The following GRM3 variants were observed in gnomAD, a reference collection of about 807,000 sequenced individuals.
GRM3 encodes metabotropic glutamate receptor 3.
GRM3 carries 26 observed loss-of-function variants against 70.5 expected under a neutral mutation model. The observed-to-expected ratio is 0.37, with a 90% CI of 0.27 to 0.51. The LOEUF (loss-of-function observed/expected upper bound fraction) is 0.51. GRM3 is among the 20% of genes least tolerant of loss of function. The pLI, the probability that GRM3 is intolerant of heterozygous loss-of-function variation, is 0.93. For missense variants in GRM3, 859 were observed against 1,123.8 expected, an observed-to-expected ratio of 0.76 and a Z score of 3.37; for synonymous variants, 443 against 434.9, an observed-to-expected ratio of 1.02 and a Z score of -0.23.
chr7:86,707,934 C>G (rs188530222), intron 1 of GRM3, among the ~76,000 whole-genome samples: 2 of 152,046 alleles, frequency 1.3e-5, no homozygotes, highest in East Asian at 3.9e-4. Flanking sequence ...ATTAAGAACC[C>G]TATGAAAAAG....
chr7:86,657,698 G>A (rs894963039), intron 1 of GRM3, among the ~76,000 whole-genome samples: 2 of 152,164 alleles, frequency 1.3e-5, no homozygotes, highest in African/African-American at 4.8e-5. Flanking sequence ...GGTTTGGGAG[G>A]CAGAGAGATG....
At chr7:86,678,609 A>G (rs552117251) in intron 1 of GRM3, among the ~76,000 whole-genome samples, 2 of 152,184 alleles carry the variant, frequency 1.3e-5, no homozygotes, top group Non-Finnish European at 2.9e-5. Context: ...AGATATAATT[A>G]TGATATTTCA....
At chr7:86,760,758 A>T (rs1796459328) in intron 1 of GRM3, among the ~76,000 whole-genome samples, 1 of 152,132 alleles carries the variant, frequency 6.6e-6, no homozygotes, top group African/African-American at 2.4e-5. Flanking sequence ...ATAAAGAAAA[A>T]GTAAATAAAA....
intron 5 of GRM3, among the ~76,000 whole-genome samples, chr7:86,852,173 G>T (rs1274306983): frequency 2.0e-5 from 3 of 152,138 alleles, no homozygotes; most frequent in Non-Finnish European, 4.4e-5. Flanking sequence ...CAGACAGCAA[G>T]CTGGGAAAGT....
At chr7:86,760,501 C>G (rs1584221112) in intron 1 of GRM3, among the ~76,000 whole-genome samples, 1 of 151,984 alleles carries the variant, frequency 6.6e-6, no homozygotes, top group East Asian at 1.9e-4. Context: ...CAGTAGGGAG[C>G]CTGTTTATCT....
chr7:86,854,745 G>A (rs1798815401), intron 5 of GRM3, among the ~76,000 whole-genome samples: 1 of 152,130 alleles, frequency 6.6e-6, no homozygotes, highest in Non-Finnish European at 1.5e-5. Flanking sequence ...AAAATATTTT[G>A]AGAACCTCTA....
At chr7:86,776,046 A>C (rs1306989010) in intron 2 of GRM3, 2 of 152,136 alleles carry the variant, frequency 1.3e-5, no homozygotes. Context: ...AAAAAAACAA[A>C]ACTAGATTTT....
chr7:86,647,313 G>A (rs1051315739), intron 1 of GRM3, among the ~76,000 whole-genome samples: 1 of 152,174 alleles, frequency 6.6e-6, no homozygotes, highest in Admixed American at 6.5e-5. Context: ...GCAAAATGAA[G>A]CATGAGGTTT....
chr7:86,837,605 C>G (rs909448437), intron 3 of GRM3, among the ~76,000 whole-genome samples: 1 of 152,176 alleles, frequency 6.6e-6, no homozygotes, highest in Non-Finnish European at 1.5e-5. Flanking sequence ...CATATTTATA[C>G]TATCTGCTTC....
At chr7:86,810,140 G>T (rs2116652870) in intron 3 of GRM3, among the ~76,000 whole-genome samples, 1 of 152,142 alleles carries the variant, frequency 6.6e-6, no homozygotes, top group East Asian at 1.9e-4. Flanking sequence ...GGTTTGTGAT[G>T]ACCTTAAATC....
intron 3 of GRM3, among the ~76,000 whole-genome samples, chr7:86,836,927 T>G (rs1336973312): frequency 6.6e-6 from 1 of 152,126 alleles, no homozygotes; most frequent in Non-Finnish European, 1.5e-5. Context: ...ACCCCAAAAC[T>G]ACACACTCAA....
rs192322575 is a variant in GRM3, at chr7:86,787,978, G to A, written c.1324+862G>A. 1.1e-3 allele frequency among the ~76,000 whole-genome samples: 163 copies of A among 152,258 alleles called. 1 individual carries two copies. Among genetic ancestry groups the A allele is most frequent in the Non-Finnish European group, 1.5e-3 (100 of 68,020 alleles). On this transcript the variant is annotated intron_variant, in intron 3 of 5. Coordinates refer to ENST00000361669, the MANE Select transcript of GRM3 (RefSeq NM_000840.3). Reference sequence around the variant, plus strand: ...GTACATGGGATATCTGCTTATTAAGGCACTTGTTCTGGGTAGTATAGCTTA... The same window carrying A: ...GTACATGGGATATCTGCTTATTAAGACACTTGTTCTGGGTAGTATAGCTTA...
At position 86,854,028 on chromosome 7, in the gene GRM3, G is replaced by T. The variant is rs368269905; in HGVS notation, c.2566+3484G>T. On this transcript the variant is annotated intron_variant, in intron 5 of 5. Transcript: ENST00000361669. ...GCCAGGAAACTGGTATAGCATAATTGGTACCATACTTATTTATCGAAGCTC... is the reference window on the plus strand; with the variant it reads ...GCCAGGAAACTGGTATAGCATAATTTGTACCATACTTATTTATCGAAGCTC... Among the ~76,000 whole-genome samples the T allele has an allele frequency of 4.6e-5, 7 of 152,212 alleles. No homozygotes were observed. The East Asian group carries it at 1.4e-3, about 29-fold the overall frequency.
At chr7:86,651,249 C>G (rs1793598450) in intron 1 of GRM3, among the ~76,000 whole-genome samples, 1 of 152,174 alleles carries the variant, frequency 6.6e-6, no homozygotes, top group Non-Finnish European at 1.5e-5. Context: ...ACTTGAGGGT[C>G]TTTCTCTGAT....
At chr7:86,780,811 ACAGACT>A (rs1318236262) in intron 2 of GRM3, among the ~76,000 whole-genome samples, 2 of 152,332 alleles carry the variant, frequency 1.3e-5, no homozygotes, top group East Asian at 3.9e-4. Context: ...ACCACAAAGC[ACAGACT>A]GACAAATGAA....
intron 1 of GRM3, among the ~76,000 whole-genome samples, chr7:86,713,636 G>C (rs1795248956): frequency 6.6e-6 from 1 of 151,870 alleles, no homozygotes; most frequent in Non-Finnish European, 1.5e-5. Flanking sequence ...TGTTCTTGTA[G>C]GATGCCTTTT....
intron 5 of GRM3, among the ~76,000 whole-genome samples, chr7:86,855,540 T>C (rs574731130): frequency 6.6e-6 from 1 of 152,212 alleles, no homozygotes; most frequent in South Asian, 2.1e-4. Context: ...TGTAGGCATA[T>C]GGAGATTGAT....
chr7:86,767,934 C>A (rs1796647481), intron 2 of GRM3, among the ~76,000 whole-genome samples: 2 of 152,072 alleles, frequency 1.3e-5, no homozygotes. Context: ...GAAGCCACTT[C>A]TTACTCATTG....
intron 1 of GRM3, among the ~76,000 whole-genome samples, chr7:86,752,948 A>G (rs1328545641): frequency 2.0e-5 from 3 of 152,082 alleles, no homozygotes; most frequent in Admixed American, 6.6e-5. Flanking sequence ...GTGTGAGCAC[A>G]TGTGTCCTTT....
Sources: gnomAD v4.1 joint callset for allele counts (sites outside exome capture counted in the v4.1 genomes callset) on GRCh38, gnomAD v4.1.1 for gene constraint, MANE v1.5 for transcripts, NCBI Gene and HGNC (gene_info 2026-07-23, HGNC 2026-07-21) for gene names.